The following AFF3 variants were observed in gnomAD, a reference collection of about 807,000 sequenced individuals.
The protein encoded by AFF3 is ALF transcription elongation factor 3.
AFF3 carries 32 observed loss-of-function variants against 129.7 expected under a neutral mutation model. That is an observed-to-expected ratio of 0.25 (90% CI 0.19 to 0.33). The LOEUF (loss-of-function observed/expected upper bound fraction) is 0.33. AFF3 is among the 10% of genes least tolerant of loss of function. The probability of loss-of-function intolerance (pLI) is 1.00; values close to 1 mark genes in which losing one functional copy is unlikely to be tolerated. For missense variants in AFF3, 1,373 were observed against 1,592.0 expected (o/e 0.86, Z 2.34); for synonymous variants, 644 against 635.4 (o/e 1.01, Z -0.20).
At chr2:99,961,502 G>A (rs1199198553) in intron 7 of AFF3, among the ~76,000 whole-genome samples, 1 of 152,122 alleles carries the variant, frequency 6.6e-6, no homozygotes, top group East Asian at 1.9e-4. Flanking sequence ...TTCCCAACTG[G>A]CTGGTCCACT....
In AFF3 at chr2:99,895,267, G is replaced by A. The variant is rs116331336; in HGVS notation, c.874-57743C>T. ...CCAAATTACATTCTGCAAAGACAAT[G>A]CCTGTGTCCAATCCCACCAACAAGG... On this transcript the variant is annotated intron_variant, in intron 7 of 24. Transcript: ENST00000672756. 3.2e-3 allele frequency among the ~76,000 whole-genome samples: 482 copies of A among 152,330 alleles called. 4 individuals are homozygous for A. Among genetic ancestry groups the A allele is most frequent in the Non-Finnish European group, 5.2e-3 (353 of 68,032 alleles).
chr2:99,610,276 C>T (rs562331194), intron 13 of AFF3, among the ~76,000 whole-genome samples: 2 of 152,330 alleles, frequency 1.3e-5, no homozygotes, highest in South Asian at 2.1e-4. Flanking sequence ...AGCATTCACG[C>T]CGACCTCTGC....
chr2:99,920,214 A>G (rs568229257), intron 7 of AFF3, among the ~76,000 whole-genome samples: 2 of 152,050 alleles, frequency 1.3e-5, no homozygotes, highest in South Asian at 2.1e-4. Context: ...TCATCCTGTA[A>G]AGTTATTATA....
Position 99,551,312 on chromosome 2 carries a change from C to T in AFF3, c.*162G>A, listed in dbSNP as rs1674389432. On this transcript the variant is annotated 3_prime_UTR_variant, in exon 25 of 25. Coordinates refer to ENST00000672756, the MANE Select transcript of AFF3 (RefSeq NM_001386135.1). Reference sequence around the variant, plus strand: ...ACAGGCGGCTTCTTATATACCCACACATACAAACACACATGCCCTGCAAAA... The same window carrying T: ...ACAGGCGGCTTCTTATATACCCACATATACAAACACACATGCCCTGCAAAA... 9.0e-6 allele frequency: 9 copies of T among 1,000,132 alleles called. No homozygotes were observed. In the East Asian group the frequency reaches 1.3e-4, roughly 15 times the overall value. The allele number at this position is 1,000,132 out of a possible 1,614,324, so 62.0% of individuals were successfully genotyped here. A position where few individuals can be genotyped will look rare whatever the true frequency, so the allele number is the denominator to read the frequency against.
chr2:99,743,563 T>G (rs1325686456), intron 10 of AFF3, among the ~76,000 whole-genome samples: 1 of 152,222 alleles, frequency 6.6e-6, no homozygotes, highest in African/African-American at 2.4e-5. Flanking sequence ...CATGGAATGA[T>G]AGCATCCTCT....
intron 4 of AFF3, among the ~76,000 whole-genome samples, chr2:100,059,151 G>C (rs1406164238): frequency 2.7e-5 from 4 of 149,672 alleles, no homozygotes; most frequent in East Asian, 2.0e-4. Flanking sequence ...TACTTGGGAG[G>C]CTGAGGCAGG....
chr2:100,088,321 G>C (rs955582386), intron 4 of AFF3, among the ~76,000 whole-genome samples: 1 of 152,002 alleles, frequency 6.6e-6, no homozygotes, highest in African/African-American at 2.4e-5. Flanking sequence ...TACACTCAGC[G>C]AGGTCACAGG....
intron 7 of AFF3, among the ~76,000 whole-genome samples, chr2:99,988,663 G>A (rs1680080800): frequency 6.6e-6 from 1 of 152,160 alleles, no homozygotes; most frequent in Non-Finnish European, 1.5e-5. Flanking sequence ...TTGGTCTCGA[G>A]GGGGCTGATA....
chr2:100,056,061 T>TCACACACACACACA (rs760665941), intron 4 of AFF3, among the ~76,000 whole-genome samples: 26 of 133,530 alleles, frequency 1.9e-4, no homozygotes, highest in South Asian at 5.2e-4. Flanking sequence ...GCTGTCTCTC[T>TCACACACACACACA]CTCACACACA....
chr2:99,893,831 C>G (rs1447693831), intron 7 of AFF3, among the ~76,000 whole-genome samples: 2 of 152,146 alleles, frequency 1.3e-5, no homozygotes, highest in Non-Finnish European at 2.9e-5. Flanking sequence ...AAATTTTTAT[C>G]TATCAGTATT....
intron 7 of AFF3, 29 bp downstream of exon 7, chr2:100,006,603 G>T (rs1681991610): frequency 5.7e-6 from 9 of 1,570,068 alleles, no homozygotes; most frequent in Non-Finnish European, 6.9e-6. Context: ...CTATGCAGTT[G>T]CATGTGAACG....
chr2:99,831,872 C>A (rs967175200), intron 8 of AFF3, among the ~76,000 whole-genome samples: 1 of 152,190 alleles, frequency 6.6e-6, no homozygotes, highest in Non-Finnish European at 1.5e-5. Flanking sequence ...GGACTCTCTG[C>A]AAACCACCTT....
At chr2:99,916,634 A>C (rs1393025564) in intron 7 of AFF3, among the ~76,000 whole-genome samples, 1 of 152,168 alleles carries the variant, frequency 6.6e-6, no homozygotes, top group East Asian at 1.9e-4. Context: ...TGCAGTATGC[A>C]AGCACAGTAC....
intron 16 of AFF3, among the ~76,000 whole-genome samples, chr2:99,586,665 CTT>C (rs1678150789): frequency 6.6e-6 from 1 of 152,166 alleles, no homozygotes; most frequent in African/African-American, 2.4e-5. Context: ...TCTGGAACCT[CTT>C]GAGAGGAGTG....
chr2:99,666,494 T>G (rs965854992), intron 12 of AFF3, among the ~76,000 whole-genome samples: 1 of 151,832 alleles, frequency 6.6e-6, no homozygotes, highest in South Asian at 2.1e-4. Flanking sequence ...AAAAAGAAAA[T>G]TAAAACCAGG....
intron 12 of AFF3, among the ~76,000 whole-genome samples, chr2:99,658,173 T>C (rs1685917768): frequency 6.6e-6 from 1 of 152,218 alleles, no homozygotes; most frequent in African/African-American, 2.4e-5. Flanking sequence ...GCAGGGACTG[T>C]CCCTGTCCAG....
intron 7 of AFF3, among the ~76,000 whole-genome samples, chr2:99,991,628 C>T (rs1171701104): frequency 6.6e-6 from 1 of 152,064 alleles, no homozygotes; most frequent in Non-Finnish European, 1.5e-5. Context: ...ATGGGCCGGG[C>T]GCAGGGGCTC....
At chr2:100,085,163 G>A (rs1304496214) in intron 4 of AFF3, among the ~76,000 whole-genome samples, 2 of 143,120 alleles carry the variant, frequency 1.4e-5, no homozygotes, top group Non-Finnish European at 3.0e-5. Context: ...TAATTGTGAT[G>A]CAATTACATA....
At chr2:99,926,461 T>G (rs1696246148) in intron 7 of AFF3, among the ~76,000 whole-genome samples, 1 of 152,152 alleles carries the variant, frequency 6.6e-6, no homozygotes, top group Non-Finnish European at 1.5e-5. Flanking sequence ...TAACAAAGCC[T>G]CCAAACTCAA....
Sources: gnomAD v4.1 joint callset for allele counts (sites outside exome capture counted in the v4.1 genomes callset) on GRCh38, gnomAD v4.1.1 for gene constraint, MANE v1.5 for transcripts, NCBI Gene and HGNC (gene_info 2026-07-23, HGNC 2026-07-21) for gene names.